Variants in PARD3 observed in about 807,000 individuals in gnomAD.
PARD3 encodes the protein par-3 family cell polarity regulator, also known as partitioning defective 3 homolog.
In PARD3, 75 loss-of-function variants were observed where a neutral mutation model predicts 155.4. The ratio of observed to expected loss-of-function variants is 0.48; its 90% confidence interval spans 0.40 to 0.58. PARD3 has a LOEUF of 0.58. PARD3 is among the 20% of genes least tolerant of loss of function. PARD3 has a pLI of 0.00. For missense variants in PARD3, 1,642 were observed against 1,721.7 expected, an observed-to-expected ratio of 0.95 and a Z score of 0.82; for synonymous variants, 576 against 610.5, an observed-to-expected ratio of 0.94 and a Z score of 0.83.
At chr10:34,129,146 A>T (rs1245904958) in intron 23 of PARD3, among the ~76,000 whole-genome samples, 7 of 151,938 alleles carry the variant, frequency 4.6e-5, no homozygotes, top group Non-Finnish European at 1.0e-4. Context: ...ACATCCAATC[A>T]TTTATTCTTT....
intron 5 of PARD3, among the ~76,000 whole-genome samples, chr10:34,431,972 G>A (rs756960827): frequency 1.5e-5 from 2 of 130,800 alleles, no homozygotes; most frequent in Admixed American, 1.9e-4. Flanking sequence ...AACCTGAGAG[G>A]CAGAGCTTGC....
At chr10:34,808,596 T>C (rs537305360) in intron 1 of PARD3, among the ~76,000 whole-genome samples, 68 of 152,202 alleles carry the variant, frequency 4.5e-4, no homozygotes, top group African/African-American at 1.5e-3. Context: ...GAAAATTACC[T>C]ATAGAAAGCA....
Position 34,395,762 on chromosome 10 carries a change from G to A in PARD3, c.890+3568C>T, listed in dbSNP as rs1301199372. Among the ~76,000 whole-genome samples, 2 of 40,010 alleles carry A rather than the reference G, an allele frequency of 5.0e-5. 1 individual carries two copies. Among genetic ancestry groups the A allele is most frequent in the Non-Finnish European group, 8.2e-5 (2 of 24,368 alleles). The allele number at this position is 40,010 out of a possible 152,430, so 26.2% of individuals were successfully genotyped here. On this transcript the variant is annotated intron_variant, in intron 7 of 24. Transcript: ENST00000374788. ...TGAGGCAGGAGAATGGCGTGAACCCGGGAAGCGGAGCTTGCAGTGAGCCGA... is the reference window on the plus strand; with the variant it reads ...TGAGGCAGGAGAATGGCGTGAACCCAGGAAGCGGAGCTTGCAGTGAGCCGA...
Position 34,765,255 on chromosome 10 carries a change from C to T in PARD3, c.120+49621G>A, listed in dbSNP as rs59185656. On this transcript the variant is annotated intron_variant, in intron 1 of 24. Transcript: ENST00000374788. ...CAAGATGTCCAAAAACCCATACTTC[C>T]GATTTATAGCATTCCATCCATACTA... Among the ~76,000 whole-genome samples, 1,415 of 152,012 alleles carry T rather than the reference C, an allele frequency of 9.3e-3. 24 individuals are homozygous for T. Among genetic ancestry groups the T allele is most frequent in the African/African-American group, 0.032 (1,314 of 41,540 alleles).
intron 2 of PARD3, among the ~76,000 whole-genome samples, chr10:34,584,680 AC>A (rs745869158): frequency 6.6e-6 from 1 of 152,000 alleles, no homozygotes; most frequent in Non-Finnish European, 1.5e-5. Flanking sequence ...TGAGAGACAA[AC>A]CTTTTTTTGA....
chr10:34,266,578 A>C (rs1243530438), intron 22 of PARD3, among the ~76,000 whole-genome samples: 2 of 152,288 alleles, frequency 1.3e-5, no homozygotes, highest in East Asian at 3.9e-4. Context: ...AAATGCATAA[A>C]AGTATCGTAA....
In PARD3 at chr10:34,417,349, A is replaced by C. The variant is rs76158514; in HGVS notation, c.715-15432T>G. 9.6e-3 allele frequency among the ~76,000 whole-genome samples: 1,465 copies of C among 152,286 alleles called. 13 individuals are homozygous for C. The highest frequency in any genetic ancestry group is 0.015 in the Non-Finnish European group (1,001 of 68,004). ...CTTTGCAGTTTTAAAAAGCCACAGA[A>C]AAGAACATGGATTACACTGAATTTC... On this transcript the variant is annotated intron_variant, in intron 5 of 24. Coordinates refer to ENST00000374788, the MANE Select transcript of PARD3 (RefSeq NM_001184785.2).
chr10:34,447,805 A>AAAAAAAAAAG lies in PARD3; in HGVS notation c.714+2511_714+2512insCTTTTTTTTT, dbSNP rs71033314. On this transcript the variant is annotated intron_variant, in intron 5 of 24. Transcript: ENST00000374788. ...GAGCGACACAGCAAGACTCTGTCTC[A>AAAAAAAAAAG]AAAGAAAGAAAGAAAAAAAAGTCAA... 0.018 allele frequency among the ~76,000 whole-genome samples: 814 copies of AAAAAAAAAAG among 46,336 alleles called. 20 individuals are homozygous for AAAAAAAAAAG. In the African/African-American group the frequency reaches 0.28, roughly 16 times the overall value. The allele number at this position is 46,336 out of a possible 152,430, so 30.4% of individuals were successfully genotyped here. A position where few individuals can be genotyped will look rare whatever the true frequency, so the allele number is the denominator to read the frequency against.
intron 1 of PARD3, among the ~76,000 whole-genome samples, chr10:34,810,496 T>A (rs1844000556): frequency 6.6e-6 from 1 of 152,152 alleles, no homozygotes; most frequent in Non-Finnish European, 1.5e-5. Context: ...GAGGCCCCAA[T>A]AATCAACCTG....
At chr10:34,805,892 G>T (rs879599128) in intron 1 of PARD3, among the ~76,000 whole-genome samples, 12 of 152,066 alleles carry the variant, frequency 7.9e-5, no homozygotes, top group Non-Finnish European at 1.6e-4. Context: ...CAGGAGAATG[G>T]CGTGAACCTA....
chr10:34,805,112 C>T (rs138847588), intron 1 of PARD3, among the ~76,000 whole-genome samples: 2,522 of 152,330 alleles, frequency 0.017, 24 homozygotes, highest in South Asian at 0.03. Context: ...AATCCCAGCA[C>T]TTTGCAAGGC....
intron 17 of PARD3, among the ~76,000 whole-genome samples, chr10:34,337,025 G>A (rs1836266545): frequency 6.6e-6 from 1 of 152,106 alleles, no homozygotes; most frequent in Non-Finnish European, 1.5e-5. Context: ...AGCATGATAT[G>A]CATATGTGTT....
In PARD3 at chr10:34,171,468, T is replaced by C. The variant is rs911090542; in HGVS notation, c.3420-39885A>G. 2.6e-5 allele frequency among the ~76,000 whole-genome samples: 4 copies of C among 152,180 alleles called. No homozygotes were observed. In the East Asian group the frequency reaches 7.7e-4, roughly 29 times the overall value. On this transcript the variant is annotated intron_variant, in intron 22 of 24. Transcript: ENST00000374788. The stretch of plus-strand genomic sequence containing the variant: ...CACAAAGTGATATTAATTTAACTTG[T>C]AGAAGTAAGAGAAAGAAATATTAAT...
chr10:34,208,622 T>C (rs1244457191), intron 22 of PARD3, among the ~76,000 whole-genome samples: 1 of 152,180 alleles, frequency 6.6e-6, no homozygotes, highest in Non-Finnish European at 1.5e-5. Context: ...TAGGCAAAGA[T>C]GGCTACAGAA....
chr10:34,486,048 C>G (rs548484908), intron 3 of PARD3, among the ~76,000 whole-genome samples: 37 of 151,504 alleles, frequency 2.4e-4, no homozygotes, highest in African/African-American at 9.0e-4. Context: ...CTCAGCTTAC[C>G]AAGCAGCTGG....
At chr10:34,371,228 T>C (rs1840570556) in intron 12 of PARD3, among the ~76,000 whole-genome samples, 1 of 152,004 alleles carries the variant, frequency 6.6e-6, no homozygotes, top group African/African-American at 2.4e-5. Flanking sequence ...TTATCTAACC[T>C]ACCCCAACAC....
At chr10:34,532,446 C>T (rs1394320120) in intron 2 of PARD3, among the ~76,000 whole-genome samples, 1 of 152,148 alleles carries the variant, frequency 6.6e-6, no homozygotes, top group Non-Finnish European at 1.5e-5. Flanking sequence ...TAAGGCTGGG[C>T]TCATCACGTG....
intron 1 of PARD3, among the ~76,000 whole-genome samples, chr10:34,744,590 C>G (rs1017858596): frequency 2.6e-5 from 4 of 152,222 alleles, no homozygotes; most frequent in Non-Finnish European, 4.4e-5. Flanking sequence ...TTCCAAATTA[C>G]TTGGCTTTGA....
intron 2 of PARD3, among the ~76,000 whole-genome samples, chr10:34,651,010 T>TTAAAAAAAAAAA (rs2092994493): frequency 3.1e-5 from 1 of 31,758 alleles, no homozygotes; most frequent in South Asian, 1.7e-3. Flanking sequence ...AAACTCTGTC[T>TTAAAAAAAAAAA]CAAAAAAAAA....
Sources: allele counts gnomAD v4.1 joint callset (sites outside exome capture counted in the v4.1 genomes callset), GRCh38; gene constraint gnomAD v4.1.1; transcripts MANE v1.5; gene names NCBI Gene and HGNC (gene_info 2026-07-23, HGNC 2026-07-21).